The following DLG2 variants were observed in gnomAD, a reference collection of about 807,000 sequenced individuals.
The protein encoded by DLG2 is disks large homolog 2.
A neutral mutation model predicts 132.5 loss-of-function variants in DLG2; 45 were observed. That is an observed-to-expected ratio of 0.34 (90% CI 0.27 to 0.44). DLG2 has a LOEUF of 0.44. Among genes scored for constraint, DLG2 ranks in the 20% least tolerant of loss-of-function variants. DLG2 has a pLI of 1.00. For synonymous variants in DLG2, 424 were observed against 419.6 expected (o/e 1.01, Z -0.13); for missense variants, 1,045 against 1,196.9 (o/e 0.87, Z 1.87).
At chr11:85,538,357 T>A (rs1306622603) in intron 3 of DLG2, among the ~76,000 whole-genome samples, 1 of 151,878 alleles carries the variant, frequency 6.6e-6, no homozygotes, top group Admixed American at 6.6e-5. Flanking sequence ...CTGGCAAGGC[T>A]GTGGAGAAAT....
intron 12 of DLG2, among the ~76,000 whole-genome samples, chr11:83,978,714 A>G (rs1592236016): frequency 1.3e-5 from 2 of 152,266 alleles, no homozygotes; most frequent in South Asian, 4.1e-4. Flanking sequence ...AGTTTTCTCA[A>G]GACAAAGTTC....
At chr11:84,502,404 T>A (rs1345882986) in intron 7 of DLG2, among the ~76,000 whole-genome samples, 1 of 106,616 alleles carries the variant, frequency 9.4e-6, no homozygotes, top group Non-Finnish European at 1.9e-5. Context: ...CTTTCTTTCT[T>A]TCTTTCTTTC....
At chr11:84,747,054 C>T (rs1298693848) in intron 6 of DLG2, among the ~76,000 whole-genome samples, 1 of 152,140 alleles carries the variant, frequency 6.6e-6, no homozygotes, top group Non-Finnish European at 1.5e-5. Flanking sequence ...ATAGCATTAA[C>T]CTTAGACAAG....
chr11:85,091,018 C>T (rs955299005), intron 6 of DLG2, among the ~76,000 whole-genome samples: 6 of 152,144 alleles, frequency 3.9e-5, no homozygotes, highest in African/African-American at 1.4e-4. Flanking sequence ...ACAATCAGCT[C>T]TCATGGGAAC....
chr11:85,533,632 G>A (rs2075370524), intron 3 of DLG2, among the ~76,000 whole-genome samples: 1 of 151,950 alleles, frequency 6.6e-6, no homozygotes, highest in Non-Finnish European at 1.5e-5. Context: ...CCTTTTGTTA[G>A]AATAATTTAT....
At chr11:83,980,955 A>C (rs1335655132) in intron 11 of DLG2, among the ~76,000 whole-genome samples, 1 of 152,142 alleles carries the variant, frequency 6.6e-6, no homozygotes, top group African/African-American at 2.4e-5. Context: ...GATCAGGTGA[A>C]GGGTGTGGAG....
At chr11:83,674,555 A>C (rs1479488113) in intron 18 of DLG2, among the ~76,000 whole-genome samples, 1 of 152,236 alleles carries the variant, frequency 6.6e-6, no homozygotes, top group Non-Finnish European at 1.5e-5. Context: ...CTTTTAAATA[A>C]ACATTATCTG....
At chr11:83,680,285 T>C (rs2078543046) in intron 18 of DLG2, among the ~76,000 whole-genome samples, 1 of 151,924 alleles carries the variant, frequency 6.6e-6, no homozygotes, top group Non-Finnish European at 1.5e-5. Context: ...AACCGTGGAG[T>C]GTGGCGTGTA....
chr11:85,350,941 T>C (rs1158793426), intron 3 of DLG2, among the ~76,000 whole-genome samples: 1 of 152,206 alleles, frequency 6.6e-6, no homozygotes, highest in Non-Finnish European at 1.5e-5. Flanking sequence ...TCCAATTCTG[T>C]GAAGAAAGTG....
At chr11:83,552,624 G>T (rs1051987031) in intron 19 of DLG2, among the ~76,000 whole-genome samples, 3 of 152,044 alleles carry the variant, frequency 2.0e-5, no homozygotes, top group Admixed American at 6.6e-5. Context: ...AGTGGAAGCC[G>T]CCTCTGTAAT....
At chr11:84,877,211 C>A (rs1694115471) in intron 6 of DLG2, among the ~76,000 whole-genome samples, 1 of 151,966 alleles carries the variant, frequency 6.6e-6, no homozygotes, top group Admixed American at 6.6e-5. Flanking sequence ...CTGCTTGGTC[C>A]AGAGCTGAGT....
At chr11:85,557,546 C>A (rs569764364) in intron 3 of DLG2, among the ~76,000 whole-genome samples, 1 of 151,898 alleles carries the variant, frequency 6.6e-6, no homozygotes, top group South Asian at 2.1e-4. Context: ...CATTACCCGA[C>A]CTCAAACTAC....
intron 17 of DLG2, among the ~76,000 whole-genome samples, chr11:83,824,314 C>T (rs1006860574): frequency 2.0e-5 from 3 of 152,054 alleles, no homozygotes; most frequent in African/African-American, 4.8e-5. Context: ...TGGAACTTAC[C>T]GTTAGCATTT....
At chr11:85,264,770 G>A (rs950281339) in intron 4 of DLG2, among the ~76,000 whole-genome samples, 5 of 152,154 alleles carry the variant, frequency 3.3e-5, no homozygotes, top group African/African-American at 4.8e-5. Context: ...GCCCCCAGGG[G>A]TTTTTCGCAA....
At chr11:85,270,216 A>G (rs2077443708) in intron 4 of DLG2, among the ~76,000 whole-genome samples, 1 of 152,164 alleles carries the variant, frequency 6.6e-6, no homozygotes, top group Non-Finnish European at 1.5e-5. Flanking sequence ...TATGGGGGCA[A>G]GTCTTTCCCA....
chr11:84,197,976 G>T (rs959165189), intron 8 of DLG2, among the ~76,000 whole-genome samples: 1 of 152,068 alleles, frequency 6.6e-6, no homozygotes, highest in Non-Finnish European at 1.5e-5. Flanking sequence ...TCTTTAAAAA[G>T]TATTTTTTTA....
intron 5 of DLG2, among the ~76,000 whole-genome samples, chr11:85,115,200 T>C (rs1280865770): frequency 6.6e-6 from 1 of 151,942 alleles, no homozygotes; most frequent in Admixed American, 6.6e-5. Flanking sequence ...AATGGTACGT[T>C]AGGTATACAT....
intron 4 of DLG2, among the ~76,000 whole-genome samples, chr11:85,283,782 T>G (rs551405517): frequency 3.9e-5 from 6 of 151,972 alleles, no homozygotes; most frequent in African/African-American, 1.4e-4. Flanking sequence ...CTGATAGCAT[T>G]GTTCTCCAAA....
chr11:85,509,988 T>G (rs1467385276), intron 3 of DLG2: 1 of 150,994 alleles, frequency 6.6e-6, no homozygotes, highest in African/African-American at 2.4e-5. Flanking sequence ...ACAGAGAAGA[T>G]TAGCAGGGCC....
Sources: gnomAD v4.1 joint callset for allele counts (sites outside exome capture counted in the v4.1 genomes callset) on GRCh38, gnomAD v4.1.1 for gene constraint, MANE v1.5 for transcripts, NCBI Gene and HGNC (gene_info 2026-07-23, HGNC 2026-07-21) for gene names.